GTF3C2: variants seen among roughly 807,000 people sequenced by gnomAD.
The protein encoded by GTF3C2 is general transcription factor 3C polypeptide 2.
A neutral mutation model predicts 117.4 loss-of-function variants in GTF3C2; 17 were observed. The observed-to-expected ratio is 0.14, with a 90% confidence interval of 0.10 to 0.22. The LOEUF (loss-of-function observed/expected upper bound fraction) is 0.22, where lower values mean the gene tolerates loss of function less well. Ranked by LOEUF, GTF3C2 falls within the 10% of genes least tolerant of loss-of-function variation. The probability of loss-of-function intolerance (pLI) is 1.00; values close to 1 mark genes in which losing one functional copy is unlikely to be tolerated. For missense variants in GTF3C2, 888 were observed against 1,143.6 expected (o/e 0.78, Z 3.22); for synonymous variants, 437 against 427.0 (o/e 1.02, Z -0.29).
intron 3 of GTF3C2, 35 bp downstream of exon 3, chr2:27,342,791 C>T (rs779478137): frequency 5.3e-6 from 8 of 1,521,184 alleles, no homozygotes; most frequent in Non-Finnish European, 5.4e-6. Context: ...CTTCACCCAA[C>T]CCCCCTCCAC....
intron 4 of GTF3C2, chr2:27,340,620 G>A (rs1422436793): frequency 6.7e-6 from 1 of 149,786 alleles, no homozygotes; most frequent in Non-Finnish European, 1.5e-5. Flanking sequence ...CTGGATAACT[G>A]AAACTGTCTT....
intron 12 of GTF3C2, among the ~76,000 whole-genome samples, chr2:27,331,516 A>C (rs1283271730): frequency 6.6e-6 from 1 of 152,000 alleles, no homozygotes; most frequent in African/African-American, 2.4e-5. Flanking sequence ...TAGTAGAGAC[A>C]GGGTTTCACC....
chr2:27,332,516 G>A (rs992737669), intron 12 of GTF3C2, among the ~76,000 whole-genome samples: 6 of 151,700 alleles, frequency 4.0e-5, no homozygotes, highest in African/African-American at 9.7e-5. Flanking sequence ...CCGGGTTCAC[G>A]CCATTCTCCT....
At chr2:27,339,421 A>G (rs1272345680) in intron 4 of GTF3C2, among the ~76,000 whole-genome samples, 3 of 151,268 alleles carry the variant, frequency 2.0e-5, no homozygotes, top group Admixed American at 6.6e-5. Context: ...AAAAAAAAAA[A>G]AAAAAAGAAA....
At chr2:27,350,308 A>T in intron 1 of GTF3C2, 1 of 572,184 alleles carries the variant, frequency 1.7e-6, no homozygotes, top group Non-Finnish European at 2.2e-6. Context: ...TCTACCCCAG[A>T]CCTACCGAAT....
chr2:27,336,510 T>C, intron 7 of GTF3C2, 85 bp from the exon 8 acceptor site: 1 of 775,284 alleles, frequency 1.3e-6, no homozygotes, highest in Non-Finnish European at 2.2e-6. Flanking sequence ...AGAGCCAGTA[T>C]GAACTGGCTC....
At chr2:27,346,075 G>A (rs910999522) in intron 1 of GTF3C2, among the ~76,000 whole-genome samples, 11 of 144,400 alleles carry the variant, frequency 7.6e-5, no homozygotes, top group Admixed American at 3.5e-4. Context: ...GACTGGAGTG[G>A]TGCAGTGGTG....
At chr2:27,349,699 C>T (rs932172629) in intron 1 of GTF3C2, among the ~76,000 whole-genome samples, 51 of 151,556 alleles carry the variant, frequency 3.4e-4, no homozygotes, top group Non-Finnish European at 5.2e-4. Context: ...AATGCAGTGG[C>T]GTGATCTCGG....
intron 10 of GTF3C2, among the ~76,000 whole-genome samples, chr2:27,335,161 CA>C (rs1340416195): frequency 6.6e-6 from 1 of 152,188 alleles, no homozygotes; most frequent in Non-Finnish European, 1.5e-5. Context: ...TGCTCATCTT[CA>C]GCTCTCTATT....
At chr2:27,354,755 C>T (rs1053642442) in intron 1 of GTF3C2, among the ~76,000 whole-genome samples, 8 of 152,030 alleles carry the variant, frequency 5.3e-5, no homozygotes, top group African/African-American at 1.9e-4. Context: ...AGGAAGATTC[C>T]GGTTTTTTTT....
At chr2:27,349,296 C>T (rs1269606235) in intron 1 of GTF3C2, among the ~76,000 whole-genome samples, 1 of 150,668 alleles carries the variant, frequency 6.6e-6, no homozygotes, top group African/African-American at 2.4e-5. Context: ...TACAGGCGCC[C>T]GCCATCATGC....
At chr2:27,332,248 C>T (rs955905969) in intron 12 of GTF3C2, among the ~76,000 whole-genome samples, 1 of 151,896 alleles carries the variant, frequency 6.6e-6, no homozygotes, top group African/African-American at 2.4e-5. Flanking sequence ...TCCTGGGCTG[C>T]GATCCTCCTG....
chr2:27,339,714 T>A (rs1379662691), intron 4 of GTF3C2: 2 of 151,886 alleles, frequency 1.3e-5, no homozygotes, highest in African/African-American at 4.8e-5. Flanking sequence ...CTGTCAGGTG[T>A]GGTGGCTCAC....
chr2:27,338,590 G>A (rs571818656), intron 4 of GTF3C2, among the ~76,000 whole-genome samples: 2 of 152,262 alleles, frequency 1.3e-5, no homozygotes, highest in East Asian at 3.9e-4. Context: ...GAGTGCAGTG[G>A]CGCAATCTTG....
chr2:27,335,478 G>C (rs1473369883), intron 10 of GTF3C2, 120 bp downstream of exon 10: 6 of 715,214 alleles, frequency 8.4e-6, no homozygotes, highest in African/African-American at 3.5e-5. Flanking sequence ...TGTGTGTGTG[G>C]CTGAGTAAGG....
At chr2:27,344,845 C>G (rs1480125137) in intron 1 of GTF3C2, among the ~76,000 whole-genome samples, 1 of 151,920 alleles carries the variant, frequency 6.6e-6, no homozygotes, top group African/African-American at 2.4e-5. Context: ...GTTAGCCGGG[C>G]ATGGTGGTGC....
Position 27,329,504 on chromosome 2 carries a change from G to A in GTF3C2, c.1752C>T (p.Asn584=), listed in dbSNP as rs140039030. The change falls in exon 13 of 19, where the codon AAC becomes AAT. Residue 584 remains asparagine (N), a synonymous_variant. Transcript: ENST00000264720. This position sits in a 1 kb window ranked among gnomAD's most constrained non-coding sequence, Gnocchi z 4.5. ...GCTGCAGGGGTGAGTTAGTGGGAAG[G>A]TTCCAGAAAACCACCATGCCTGAAA... 234 of 1,614,076 alleles carry A rather than the reference G, an allele frequency of 1.4e-4. No individual in the cohort carries two copies. In the African/African-American group the frequency reaches 2.9e-3, roughly 20 times the overall value.
exon 16 of GTF3C2, chr2:27,328,563 C>T: frequency 1.9e-6 from 3 of 1,610,992 alleles, no homozygotes; most frequent in Non-Finnish European, 2.5e-6. Context: ...TCTCCTGCAG[C>T]TATTGTCCCA....
At chr2:27,333,448 C>G (rs1680348705) in intron 12 of GTF3C2, among the ~76,000 whole-genome samples, 1 of 151,994 alleles carries the variant, frequency 6.6e-6, no homozygotes, top group Non-Finnish European at 1.5e-5. Flanking sequence ...AGCTACCGCG[C>G]CTGGCCCAGC....
Sources: allele counts gnomAD v4.1 joint callset (sites outside exome capture counted in the v4.1 genomes callset), GRCh38; gene constraint gnomAD v4.1.1; non-coding constraint Gnocchi (gnomAD v3.1); transcripts MANE v1.5; gene names NCBI Gene and HGNC (gene_info 2026-07-23, HGNC 2026-07-21).